The following ACSS3 variants were observed in gnomAD, a reference collection of about 807,000 sequenced individuals.
ACSS3 encodes acyl-CoA synthetase short-chain family member 3, mitochondrial.
Under a neutral mutation model 84.2 loss-of-function variants are expected in ACSS3, and 64 were observed. The ratio of observed to expected loss-of-function variants is 0.76; its 90% CI spans 0.62 to 0.94. The LOEUF is 0.94. Among genes scored for constraint, ACSS3 ranks in the 40% least tolerant of loss-of-function variants. The pLI is 0.00. For missense variants in ACSS3, 815 were observed against 867.6 expected, an observed-to-expected ratio of 0.94 and a Z score of 0.76; for synonymous variants, 317 against 310.1, an observed-to-expected ratio of 1.02 and a Z score of -0.23.
intron 7 of ACSS3, among the ~76,000 whole-genome samples, chr12:81,159,564 C>T (rs895026603): frequency 7.9e-5 from 12 of 152,152 alleles, no homozygotes; most frequent in Admixed American, 2.0e-4. Flanking sequence ...ATAATTTAGT[C>T]TTTACTTTTG....
intron 9 of ACSS3, among the ~76,000 whole-genome samples, chr12:81,207,351 G>A (rs1195221573): frequency 1.3e-5 from 2 of 152,228 alleles, no homozygotes; most frequent in Middle Eastern, 3.4e-3. Flanking sequence ...GAAAACAGCA[G>A]GTGGCTATTC....
At chr12:81,210,020 A>G (rs753929890) in intron 9 of ACSS3, among the ~76,000 whole-genome samples, 14 of 152,164 alleles carry the variant, frequency 9.2e-5, no homozygotes, top group South Asian at 2.1e-4. Flanking sequence ...TTGCTGTTTT[A>G]TCAGCAAGGT....
At chr12:81,202,310 A>T (rs967887818) in intron 9 of ACSS3, among the ~76,000 whole-genome samples, 1 of 151,952 alleles carries the variant, frequency 6.6e-6, no homozygotes, top group Admixed American at 6.6e-5. Flanking sequence ...AAATAAAAAT[A>T]AAAATAAAAT....
At chr12:81,133,417 G>A (rs1040882943) in intron 2 of ACSS3, among the ~76,000 whole-genome samples, 2 of 152,042 alleles carry the variant, frequency 1.3e-5, no homozygotes, top group Non-Finnish European at 2.9e-5. Context: ...TGACCTGATC[G>A]ACAACTGTCT....
intron 1 of ACSS3, among the ~76,000 whole-genome samples, chr12:81,100,012 T>G (rs993880422): frequency 2.0e-5 from 3 of 152,104 alleles, no homozygotes; most frequent in African/African-American, 7.2e-5. Flanking sequence ...CTCACTAATT[T>G]GATAAACAAG....
At chr12:81,120,076 AGT>A (rs10617146) in intron 2 of ACSS3, among the ~76,000 whole-genome samples, 53,275 of 151,938 alleles carry the variant, frequency 0.35, 11,828 homozygotes, top group Non-Finnish European at 0.5. Context: ...TAAAAATAGA[AGT>A]GTGTGCCCCA....
At chr12:81,127,221 CT>C (rs1885160049) in intron 2 of ACSS3, among the ~76,000 whole-genome samples, 1 of 151,744 alleles carries the variant, frequency 6.6e-6, no homozygotes, top group African/African-American at 2.4e-5. Context: ...TAAATTGTAA[CT>C]GTCTAAAAAT....
intron 8 of ACSS3, among the ~76,000 whole-genome samples, chr12:81,188,498 T>C (rs2031396589): frequency 6.6e-6 from 1 of 152,072 alleles, no homozygotes; most frequent in East Asian, 1.9e-4. Flanking sequence ...AAGCCCTCCC[T>C]TTTGTCCTTT....
chr12:81,148,826 C>T (rs1886468476), intron 5 of ACSS3, among the ~76,000 whole-genome samples: 1 of 149,082 alleles, frequency 6.7e-6, no homozygotes, highest in East Asian at 2.0e-4. Context: ...CTTTGGAAGG[C>T]CGAGGCGGGC....
Position 81,253,559 on chromosome 12 carries a change from C to A in ACSS3, c.1884C>A (p.Gly628=), listed in dbSNP as rs758417997. 15 of 1,613,912 alleles carry A rather than the reference C, an allele frequency of 9.3e-6. No individual in the cohort carries two copies. Among genetic ancestry groups the A allele is most frequent in the Admixed American group, 1.7e-5 (1 of 59,948 alleles). The change falls in exon 15 of 16, where the codon GGC becomes GGA. Residue 628 remains glycine (G), a synonymous_variant. Coordinates refer to ENST00000548058, the MANE Select transcript of ACSS3 (RefSeq NM_024560.4). Reference sequence around the variant, plus strand: ...TGAAACACGTTAGACAGAACATTGGCCCTGTGGCTGCTTTTCGAAATGCAG... The same window carrying A: ...TGAAACACGTTAGACAGAACATTGGACCTGTGGCTGCTTTTCGAAATGCAG... ...EIVKHVRQNI[G]PVAAFRNAVF...
At chr12:81,191,085 A>G (rs973778149) in intron 8 of ACSS3, among the ~76,000 whole-genome samples, 3 of 152,034 alleles carry the variant, frequency 2.0e-5, no homozygotes, top group Admixed American at 6.5e-5. Flanking sequence ...CAGAGCTTCT[A>G]TATAACTTAT....
intron 2 of ACSS3, among the ~76,000 whole-genome samples, chr12:81,119,918 A>G (rs907659686): frequency 6.6e-6 from 1 of 152,196 alleles, no homozygotes; most frequent in Admixed American, 6.5e-5. Context: ...AAGAAATCAT[A>G]AGAGTATTAT....
At chr12:81,095,404 C>A (rs1881972124) in intron 1 of ACSS3, among the ~76,000 whole-genome samples, 1 of 152,142 alleles carries the variant, frequency 6.6e-6, no homozygotes, top group Non-Finnish European at 1.5e-5. Flanking sequence ...TTACTTTGAA[C>A]CTTAATATTA....
chr12:81,118,354 C>T (rs1192025456), intron 2 of ACSS3, among the ~76,000 whole-genome samples: 3 of 152,178 alleles, frequency 2.0e-5, no homozygotes, highest in East Asian at 3.8e-4. Context: ...CATCTTATAG[C>T]TCATTGCCTT....
At position 81,230,663 on chromosome 12, in the gene ACSS3, A is replaced by G. The variant is rs184221575; in HGVS notation, c.1515-394A>G. Reference sequence around the variant, plus strand: ...CACAGAGAGACAGGCAAAGATGACAATATCTTAGTACTTCAAAAAATAAAT... The same window carrying G: ...CACAGAGAGACAGGCAAAGATGACAGTATCTTAGTACTTCAAAAAATAAAT... On this transcript the variant is annotated intron_variant, in intron 11 of 15. Coordinates refer to ENST00000548058, the MANE Select transcript of ACSS3 (RefSeq NM_024560.4). Among the ~76,000 whole-genome samples, 10 of 152,002 alleles carry G rather than the reference A, an allele frequency of 6.6e-5. No homozygotes were observed. The East Asian group carries it at 1.8e-3, about 27-fold the overall frequency.
intron 11 of ACSS3, among the ~76,000 whole-genome samples, chr12:81,225,765 C>T (rs750022572): frequency 4.6e-5 from 7 of 151,836 alleles, no homozygotes; most frequent in Non-Finnish European, 8.8e-5. Context: ...ATCCTTGTAT[C>T]GTTAATGTGT....
intron 1 of ACSS3, among the ~76,000 whole-genome samples, chr12:81,108,223 T>G (rs1163286710): frequency 6.7e-6 from 1 of 149,548 alleles, no homozygotes; most frequent in African/African-American, 2.4e-5. Context: ...ATTAAATGAT[T>G]CTTCCTCCTG....
intron 2 of ACSS3, 107 bp downstream of exon 2, chr12:81,109,811 G>T: frequency 1.1e-6 from 1 of 940,070 alleles, no homozygotes; most frequent in Admixed American, 3.4e-5. Context: ...ATTGAAATAT[G>T]TTGCCATGCT....
At position 81,165,467 on chromosome 12, in the gene ACSS3, A is replaced by T. The variant is rs150700154; in HGVS notation, c.1099-9321A>T. On this transcript the variant is annotated intron_variant, in intron 7 of 15. Coordinates refer to ENST00000548058, the MANE Select transcript of ACSS3 (RefSeq NM_024560.4). The stretch of plus-strand genomic sequence containing the variant: ...GAGACCATCCTGGCTAACACAGTGA[A>T]ACCCCGTCTCTACTAAAAATACAAA... Among the ~76,000 whole-genome samples the T allele has an allele frequency of 9.9e-5, 15 of 152,222 alleles. No individual in the cohort carries two copies. In the East Asian group the frequency reaches 2.9e-3, roughly 29 times the overall value.
Sources: allele counts gnomAD v4.1 joint callset (sites outside exome capture counted in the v4.1 genomes callset), GRCh38; gene constraint gnomAD v4.1.1; transcripts MANE v1.5; gene names NCBI Gene and HGNC (gene_info 2026-07-23, HGNC 2026-07-21).